ABI2: variants seen among roughly 807,000 people sequenced by gnomAD.
ABI2 encodes the protein abelson interactor 2.
ABI2 carries 25 observed loss-of-function variants against 59.2 expected under a neutral mutation model. That is an observed-to-expected ratio of 0.42 (90% CI 0.31 to 0.59). The LOEUF (loss-of-function observed/expected upper bound fraction) is 0.59. Ranked by LOEUF, ABI2 falls within the 20% of genes least tolerant of loss-of-function variation. The pLI is 0.14. For missense variants in ABI2, 545 were observed against 681.8 expected (o/e 0.80, Z 2.23); for synonymous variants, 213 against 235.5 (o/e 0.90, Z 0.87).
chr2:203,402,460 C>T, intron 8 of ABI2, 116 bp from the exon 9 acceptor site: 6 of 721,228 alleles, frequency 8.3e-6, no homozygotes, highest in Non-Finnish European at 1.2e-5. Flanking sequence ...ATTTCAGATA[C>T]CAGTTAAACT....
chr2:203,358,482 C>T lies in ABI2; in HGVS notation c.118-8395C>T, dbSNP rs149476295. ...GTTTGAACAAACTTAAACAACAAAA[C>T]GTAAATTTATTAGTTATTAATTAAA... On this transcript the variant is annotated intron_variant, in intron 1 of 11. Transcript: ENST00000261018. Among the ~76,000 whole-genome samples, 521 of 152,022 alleles carry T rather than the reference C, an allele frequency of 3.4e-3. 3 individuals are homozygous for T. The highest frequency in any genetic ancestry group is 0.012 in the African/African-American group (491 of 41,466).
At chr2:203,356,579 A>G (rs904197758) in intron 1 of ABI2, among the ~76,000 whole-genome samples, 1 of 152,116 alleles carries the variant, frequency 6.6e-6, no homozygotes, top group Admixed American at 6.5e-5. Flanking sequence ...CATGTTACCC[A>G]GGCTGGTCTC....
At chr2:203,330,274 G>A (rs1047273557) in intron 1 of ABI2, among the ~76,000 whole-genome samples, 1 of 151,696 alleles carries the variant, frequency 6.6e-6, no homozygotes, top group Admixed American at 6.6e-5. Flanking sequence ...GGAAAGGAAT[G>A]TAGGCAAGAT....
At chr2:203,379,742 A>G (rs1355578777) in intron 2 of ABI2, among the ~76,000 whole-genome samples, 1 of 152,202 alleles carries the variant, frequency 6.6e-6, no homozygotes, top group Non-Finnish European at 1.5e-5. Flanking sequence ...TTTTCTGTAA[A>G]GGAGCCAGCT....
At chr2:203,334,944 GC>G (rs1227197223) in intron 1 of ABI2, among the ~76,000 whole-genome samples, 1 of 152,102 alleles carries the variant, frequency 6.6e-6, no homozygotes, top group Non-Finnish European at 1.5e-5. Context: ...TACAGCGTAA[GC>G]CACCGTGCCT....
chr2:203,384,882 T>C (rs750894927), intron 4 of ABI2, among the ~76,000 whole-genome samples: 16 of 151,768 alleles, frequency 1.1e-4, no homozygotes, highest in Non-Finnish European at 2.2e-4. Flanking sequence ...TCACCCAGGC[T>C]GGAGTGCAGT....
chr2:203,392,834 T>G (rs1394447399), intron 5 of ABI2, among the ~76,000 whole-genome samples: 1 of 152,200 alleles, frequency 6.6e-6, no homozygotes, highest in Admixed American at 6.5e-5. Flanking sequence ...ATGTTTGTTT[T>G]CCTTGTATAT....
chr2:203,406,570 T>G (rs2097434558), intron 9 of ABI2, among the ~76,000 whole-genome samples: 1 of 152,224 alleles, frequency 6.6e-6, no homozygotes, highest in South Asian at 2.1e-4. Flanking sequence ...CTCTAAATGA[T>G]TTGTGAAGTT....
intron 11 of ABI2, among the ~76,000 whole-genome samples, chr2:203,419,108 T>C (rs993450141): frequency 4.4e-5 from 6 of 135,996 alleles, no homozygotes; most frequent in Non-Finnish European, 9.1e-5. Context: ...TTAAAGATCT[T>C]TTTTTTTTTT....
At chr2:203,358,170 G>A (rs1362925379) in intron 1 of ABI2, among the ~76,000 whole-genome samples, 11 of 150,540 alleles carry the variant, frequency 7.3e-5, no homozygotes, top group East Asian at 5.9e-4. Context: ...AGGCTGGAGC[G>A]CAGTGGTAGT....
chr2:203,400,694 T>G (rs2097184590), intron 8 of ABI2, among the ~76,000 whole-genome samples: 1 of 152,222 alleles, frequency 6.6e-6, no homozygotes, highest in Non-Finnish European at 1.5e-5. Context: ...CTTATAATCC[T>G]TATATGACTC....
At chr2:203,367,289 C>A in intron 2 of ABI2, 3 of 347,698 alleles carry the variant, frequency 8.6e-6, no homozygotes, top group African/African-American at 2.2e-5. Context: ...GTAACATAAT[C>A]AGCCCTATAA....
intron 9 of ABI2, among the ~76,000 whole-genome samples, chr2:203,405,549 C>G (rs79501473): frequency 7.1e-6 from 1 of 141,376 alleles, no homozygotes; most frequent in Non-Finnish European, 1.5e-5. Flanking sequence ...GACCCTGTCT[C>G]AAAAAAAAAA....
At chr2:203,351,028 A>G (rs772839835) in intron 1 of ABI2, among the ~76,000 whole-genome samples, 8 of 152,068 alleles carry the variant, frequency 5.3e-5, no homozygotes, top group Non-Finnish European at 1.0e-4. Context: ...TAATTTTTGC[A>G]TATGTTGTAA....
chr2:203,368,984 A>AATTTT lies in ABI2; in HGVS notation c.285+1940_285+1941insATTTT, dbSNP rs1312712237. Among the ~76,000 whole-genome samples, 16 of 91,118 alleles carry AATTTT rather than the reference A, an allele frequency of 1.8e-4. 4 individuals carry two copies. Among genetic ancestry groups the AATTTT allele is most frequent in the African/African-American group, 1.8e-4 (4 of 22,452 alleles). The allele number at this position is 91,118 out of a possible 152,430, so 59.8% of individuals were successfully genotyped here. ...TACAGGCACGTGCCATGCTTGGCTGATTTTTTTTTTTTTTTTTTTTTTTTT... is the reference window on the plus strand; with the variant it reads ...TACAGGCACGTGCCATGCTTGGCTGAATTTTTTTTTTTTTTTTTTTTTTTTTTTTT... On this transcript the variant is annotated intron_variant, in intron 2 of 11. Transcript: ENST00000261018.
At chr2:203,331,716 A>G (rs975910963) in intron 1 of ABI2, among the ~76,000 whole-genome samples, 2 of 151,830 alleles carry the variant, frequency 1.3e-5, no homozygotes. Flanking sequence ...AACTAACCCA[A>G]CACTCATTTT....
At chr2:203,408,165 CTTT>C (rs11302309) in intron 9 of ABI2, among the ~76,000 whole-genome samples, 4 of 144,696 alleles carry the variant, frequency 2.8e-5, no homozygotes, top group Non-Finnish European at 1.5e-5. Context: ...TGCTGGTGGA[CTTT>C]TTTTTTTTTT....
intron 11 of ABI2, 111 bp from the exon 12 acceptor site, chr2:203,427,066 C>T: frequency 2.3e-6 from 2 of 873,170 alleles, no homozygotes; most frequent in Non-Finnish European, 3.5e-6. Flanking sequence ...AGAAAGTCAC[C>T]ATGTTTGAGT....
intron 1 of ABI2, among the ~76,000 whole-genome samples, chr2:203,347,684 AT>A (rs2084568190): frequency 6.6e-6 from 1 of 152,264 alleles, no homozygotes. Context: ...CTTTAGGTTT[AT>A]TCTGCACAGG....
Sources: gnomAD v4.1 joint callset for allele counts (sites outside exome capture counted in the v4.1 genomes callset) on GRCh38, gnomAD v4.1.1 for gene constraint, MANE v1.5 for transcripts, NCBI Gene and HGNC (gene_info 2026-07-23, HGNC 2026-07-21) for gene names.